Variants in RAD18 observed in about 807,000 individuals in gnomAD.
The protein encoded by RAD18 is RAD18 E3 ubiquitin protein ligase, also known as E3 ubiquitin-protein ligase RAD18.
Under a neutral mutation model 60.4 loss-of-function variants are expected in RAD18, and 47 were observed. The observed-to-expected ratio is 0.78, with a 90% CI of 0.62 to 0.99. The LOEUF is 0.99. RAD18 is among the 50% of genes least tolerant of loss of function. RAD18 has a pLI of 0.00. For synonymous variants in RAD18, 225 were observed against 195.5 expected, an observed-to-expected ratio of 1.15 and a Z score of -1.26; for missense variants, 640 against 593.3, an observed-to-expected ratio of 1.08 and a Z score of -0.82.
At chr3:8,940,351 C>T (rs1412811427) in intron 5 of RAD18, among the ~76,000 whole-genome samples, 1 of 151,748 alleles carries the variant, frequency 6.6e-6, no homozygotes, top group African/African-American at 2.4e-5. Context: ...AAAAAAGGTT[C>T]CGCTAGGGGA....
intron 11 of RAD18, among the ~76,000 whole-genome samples, chr3:8,896,685 G>A (rs561307155): frequency 5.9e-5 from 9 of 152,240 alleles, no homozygotes; most frequent in Admixed American, 5.2e-4. Context: ...TTCCTATTTG[G>A]TGTGTTCTCT....
chr3:8,940,816 G>A (rs993263781), intron 5 of RAD18, among the ~76,000 whole-genome samples: 1 of 152,210 alleles, frequency 6.6e-6, no homozygotes, highest in African/African-American at 2.4e-5. Flanking sequence ...TCTTAGTGAA[G>A]GGCCAGGTAG....
intron 10 of RAD18, among the ~76,000 whole-genome samples, 171 bp downstream of exon 10, chr3:8,902,209 C>T (rs1199601583): frequency 6.6e-6 from 1 of 152,132 alleles, no homozygotes; most frequent in African/African-American, 2.4e-5. Flanking sequence ...ACCACTTTCC[C>T]CATAGTAATA....
At chr3:8,889,808 T>C (rs993024471) in intron 12 of RAD18, among the ~76,000 whole-genome samples, 2 of 152,166 alleles carry the variant, frequency 1.3e-5, no homozygotes, top group African/African-American at 2.4e-5. Flanking sequence ...CCATTCAAGA[T>C]TTTTAGAGCA....
intron 11 of RAD18, among the ~76,000 whole-genome samples, chr3:8,893,010 T>A (rs890110063): frequency 1.4e-4 from 22 of 152,228 alleles, no homozygotes; most frequent in African/African-American, 5.3e-4. Context: ...ATATTTAGCA[T>A]AGAGCTTGGT....
intron 9 of RAD18, among the ~76,000 whole-genome samples, chr3:8,907,599 C>T (rs1052189407): frequency 6.6e-6 from 1 of 152,120 alleles, no homozygotes; most frequent in Non-Finnish European, 1.5e-5. Context: ...CTGATGCAAG[C>T]GGTCAGGGAT....
chr3:8,942,338 C>CTTT (rs1220795654), intron 4 of RAD18, among the ~76,000 whole-genome samples: 5 of 152,204 alleles, frequency 3.3e-5, no homozygotes, highest in South Asian at 2.1e-4. Flanking sequence ...ACATGACATG[C>CTTT]TGCCCGTCTT....
chr3:8,947,348 A>G, intron 3 of RAD18, 58 bp from the exon 4 acceptor site: 2 of 1,405,940 alleles, frequency 1.4e-6, no homozygotes, highest in Non-Finnish European at 2.0e-6. Context: ...ACTTGTCATA[A>G]TCTTGTTTTT....
intron 7 of RAD18, among the ~76,000 whole-genome samples, chr3:8,922,742 A>C (rs767412063): frequency 4.6e-5 from 7 of 152,190 alleles, no homozygotes; most frequent in Non-Finnish European, 8.8e-5. Context: ...ATCAGGCAGC[A>C]ACATTTGCTG....
intron 11 of RAD18, among the ~76,000 whole-genome samples, chr3:8,891,936 T>C (rs536837474): frequency 6.6e-6 from 1 of 152,318 alleles, no homozygotes; most frequent in African/African-American, 2.4e-5. Context: ...AAATTAAACA[T>C]AGTTTCACAA....
chr3:8,957,726 T>C (rs1941035965), intron 2 of RAD18, among the ~76,000 whole-genome samples: 1 of 152,136 alleles, frequency 6.6e-6, no homozygotes, highest in Admixed American at 6.5e-5. Context: ...ATCAATGGAA[T>C]AGAAGAGTCC....
chr3:8,925,545 T>C (rs1415685901), intron 7 of RAD18, among the ~76,000 whole-genome samples: 1 of 152,100 alleles, frequency 6.6e-6, no homozygotes, highest in African/African-American at 2.4e-5. Flanking sequence ...AAGAGAATCC[T>C]CCCTAACTCA....
chr3:8,914,539 C>T (rs779937301), intron 7 of RAD18, among the ~76,000 whole-genome samples: 1 of 151,904 alleles, frequency 6.6e-6, no homozygotes, highest in Non-Finnish European at 1.5e-5. Context: ...TGAAATAATC[C>T]CCATTAAAGT....
At chr3:8,928,117 C>A (rs909135646) in intron 7 of RAD18, among the ~76,000 whole-genome samples, 17 of 148,814 alleles carry the variant, frequency 1.1e-4, no homozygotes, top group Admixed American at 3.3e-4. Flanking sequence ...GTGTACTATT[C>A]ATTGAAGGTA....
At chr3:8,949,282 A>T (rs1038662322) in intron 2 of RAD18, among the ~76,000 whole-genome samples, 3 of 152,194 alleles carry the variant, frequency 2.0e-5, no homozygotes, top group African/African-American at 7.2e-5. Flanking sequence ...AGTAGCCCAA[A>T]TTCAGCTGGA....
intron 11 of RAD18, among the ~76,000 whole-genome samples, chr3:8,892,986 A>G (rs776717473): frequency 4.6e-5 from 7 of 152,236 alleles, no homozygotes; most frequent in Non-Finnish European, 8.8e-5. Flanking sequence ...AGCTTATTCA[A>G]TATAACACAT....
intron 7 of RAD18, among the ~76,000 whole-genome samples, chr3:8,920,651 G>C (rs1425213744): frequency 9.3e-6 from 1 of 107,612 alleles, no homozygotes; most frequent in Non-Finnish European, 2.3e-5. Flanking sequence ...ATATTCCGAA[G>C]ACAAAACATC....
Position 8,941,698 on chromosome 3 carries a change from A to G in RAD18, c.373T>C (p.Ser125Pro). 1 of 1,614,122 alleles carries G rather than the reference A, an allele frequency of 6.2e-7. No homozygotes were observed. The highest frequency in any genetic ancestry group is 8.5e-7 in the Non-Finnish European group (1 of 1,179,982). ...ATTAACCTGCTCCCCTGCTTTAAAG[A>G]CTGTCTGGAGGCTACAGGAGTATAT... is the stretch of plus-strand genomic sequence containing the variant. ...KVYTPVASRQ[S>P]LKQGSRLMDN... is the part of the protein sequence containing the mutation. The change falls in exon 5 of 13, where the codon TCT (serine) becomes CCT (proline). Residue 125 changes from serine (S) to proline (P), a missense_variant. Ser to Pro is a moderately conservative substitution (Grantham distance 74). Coordinates refer to ENST00000264926, the MANE Select transcript of RAD18 (RefSeq NM_020165.4).
rs1028990209 is a variant in RAD18, at chr3:8,933,087, C to T, written c.889+2784G>A. On this transcript the variant is annotated intron_variant, in intron 7 of 12. Coordinates refer to ENST00000264926, the MANE Select transcript of RAD18 (RefSeq NM_020165.4). ...CTCCAGCCTGGCCGACAGAGAGAGA[C>T]TCTGTCTCAAAAATAAATAAATAAA... is the stretch of plus-strand genomic sequence containing the variant. 8.8e-5 allele frequency among the ~76,000 whole-genome samples: 13 copies of T among 148,444 alleles called. No homozygotes were observed. In the Admixed American group the frequency reaches 8.9e-4, roughly 10 times the overall value.
Sources: gnomAD v4.1 joint callset for allele counts (sites outside exome capture counted in the v4.1 genomes callset) on GRCh38, gnomAD v4.1.1 for gene constraint, MANE v1.5 for transcripts, NCBI Gene and HGNC (gene_info 2026-07-23, HGNC 2026-07-21) for gene names.